NCAM2: variants seen among roughly 807,000 people sequenced by gnomAD.
NCAM2 encodes neural cell adhesion molecule 2, also known as N-CAM-2.
Under a neutral mutation model 98.1 loss-of-function variants are expected in NCAM2, and 30 were observed. The observed-to-expected ratio is 0.31, with a 90% CI of 0.23 to 0.41. The LOEUF (loss-of-function observed/expected upper bound fraction) is 0.41, where lower values mean the gene tolerates loss of function less well. Among genes scored for constraint, NCAM2 ranks in the 10% least tolerant of loss-of-function variants. NCAM2 has a pLI of 1.00. For synonymous variants in NCAM2, 368 were observed against 342.4 expected (o/e 1.07, Z -0.83); for missense variants, 867 against 1,005.8 (o/e 0.86, Z 1.87).
At chr21:21,106,423 C>T (rs1376335363) in intron 1 of NCAM2, among the ~76,000 whole-genome samples, 1 of 150,350 alleles carries the variant, frequency 6.7e-6, no homozygotes, top group African/African-American at 2.5e-5. Context: ...TTTGTGCCAA[C>T]ATTATTTTTA....
intron 13 of NCAM2, among the ~76,000 whole-genome samples, chr21:21,468,030 T>C (rs919341610): frequency 4.6e-5 from 7 of 152,032 alleles, no homozygotes; most frequent in African/African-American, 1.7e-4. Flanking sequence ...CCTGTTCTAT[T>C]CAAAACAATA....
At chr21:21,132,241 C>CT (rs1326535947) in intron 1 of NCAM2, among the ~76,000 whole-genome samples, 6 of 152,058 alleles carry the variant, frequency 3.9e-5, no homozygotes, top group Admixed American at 1.3e-4. Context: ...CTCTTTCTCT[C>CT]TGACTTCTGC....
At position 21,285,109 on chromosome 21, in the gene NCAM2, G is replaced by T. The variant is rs1304074730; in HGVS notation, c.337+709G>T. On this transcript the variant is annotated intron_variant, in intron 3 of 17. Coordinates refer to ENST00000400546, the MANE Select transcript of NCAM2 (RefSeq NM_004540.5). ...TTAGTTTCCTCATATATAAACTGAGGATAATAATGGTACCTATGTGATATA... is the reference window on the plus strand; with the variant it reads ...TTAGTTTCCTCATATATAAACTGAGTATAATAATGGTACCTATGTGATATA... 5.9e-5 allele frequency among the ~76,000 whole-genome samples: 9 copies of T among 151,700 alleles called. No individual in the cohort carries two copies. The Admixed American group carries it at 5.9e-4, about 10-fold the overall frequency.
At chr21:21,045,460 A>T (rs921576457) in intron 1 of NCAM2, among the ~76,000 whole-genome samples, 1 of 152,138 alleles carries the variant, frequency 6.6e-6, no homozygotes, top group Non-Finnish European at 1.5e-5. Context: ...TCTGGGCAAC[A>T]TAGTGAGACC....
At position 21,123,848 on chromosome 21, in the gene NCAM2, C is replaced by CTTT. The variant is rs71193401; in HGVS notation, c.55+125245_55+125247dup. Reference sequence around the variant, plus strand: ...GCACATTTGAATTCATTCTTGATTGCTTTTTTTTTTTTTTTTTGAGACGGA... The same window carrying CTTT: ...GCACATTTGAATTCATTCTTGATTGCTTTTTTTTTTTTTTTTTTTTGAGACGGA... On this transcript the variant is annotated intron_variant, in intron 1 of 17. Coordinates refer to ENST00000400546, the MANE Select transcript of NCAM2 (RefSeq NM_004540.5). 7.5e-4 allele frequency among the ~76,000 whole-genome samples: 65 copies of CTTT among 86,662 alleles called. 8 individuals are homozygous for CTTT. The highest frequency in any genetic ancestry group is 7.2e-3 in the South Asian group (15 of 2,096). The allele number at this position is 86,662 out of a possible 152,430, so 56.9% of individuals were successfully genotyped here. A position where few individuals can be genotyped will look rare whatever the true frequency, so the allele number is the denominator to read the frequency against.
intron 1 of NCAM2, among the ~76,000 whole-genome samples, chr21:21,019,635 T>A (rs1282781964): frequency 6.6e-6 from 1 of 152,128 alleles, no homozygotes; most frequent in Non-Finnish European, 1.5e-5. Context: ...TTATAATTAT[T>A]TTTTTTATTA....
intron 4 of NCAM2, among the ~76,000 whole-genome samples, chr21:21,288,483 CAT>C (rs2073180971): frequency 6.7e-6 from 1 of 149,252 alleles, no homozygotes; most frequent in African/African-American, 2.6e-5. Flanking sequence ...TAACGTGAAA[CAT>C]AACACTAAGT....
intron 11 of NCAM2, among the ~76,000 whole-genome samples, chr21:21,422,786 AG>A (rs2077137496): frequency 1.3e-5 from 2 of 152,038 alleles, no homozygotes; most frequent in South Asian, 2.1e-4. Context: ...TGTACCTCCT[AG>A]GTGTTGATCC....
chr21:21,443,330 C>T (rs1410574903), intron 12 of NCAM2, among the ~76,000 whole-genome samples: 5 of 152,016 alleles, frequency 3.3e-5, no homozygotes, highest in Non-Finnish European at 5.9e-5. Context: ...ATGTAAATGA[C>T]GAGTTGATGG....
At chr21:21,179,147 T>C (rs2068389935) in intron 1 of NCAM2, among the ~76,000 whole-genome samples, 1 of 152,132 alleles carries the variant, frequency 6.6e-6, no homozygotes, top group Non-Finnish European at 1.5e-5. Flanking sequence ...AGACTTTATA[T>C]CTTAATGAAT....
intron 8 of NCAM2, among the ~76,000 whole-genome samples, chr21:21,365,904 C>T (rs1490241770): frequency 6.6e-6 from 1 of 151,888 alleles, no homozygotes; most frequent in East Asian, 1.9e-4. Flanking sequence ...GAGTAGGTAC[C>T]CAGTAGTGGG....
chr21:21,475,178 T>A (rs1985003381), intron 14 of NCAM2, among the ~76,000 whole-genome samples: 1 of 152,060 alleles, frequency 6.6e-6, no homozygotes, highest in Admixed American at 6.6e-5. Flanking sequence ...TGTAAAAAAC[T>A]GACACCTTCT....
At chr21:21,384,263 A>T (rs917229899) in intron 9 of NCAM2, among the ~76,000 whole-genome samples, 1 of 151,850 alleles carries the variant, frequency 6.6e-6, no homozygotes, top group African/African-American at 2.4e-5. Flanking sequence ...GTCATGGATT[A>T]TATTTACATA....
Position 21,317,028 on chromosome 21 carries a change from C to A in NCAM2, c.620-7355C>A, listed in dbSNP as rs369239087. Among the ~76,000 whole-genome samples the A allele has an allele frequency of 2.9e-4, 44 of 152,218 alleles. 1 individual carries two copies. The East Asian group carries it at 8.3e-3, about 29-fold the overall frequency. ...TGCTTTGGAAACTGCAAAACTGCAC[C>A]TAACTTCTGCTAGCCATACACAAAC... On this transcript the variant is annotated intron_variant, in intron 5 of 17. Coordinates refer to ENST00000400546, the MANE Select transcript of NCAM2 (RefSeq NM_004540.5).
At chr21:21,494,690 T>A (rs1002786223) in intron 15 of NCAM2, among the ~76,000 whole-genome samples, 1 of 151,904 alleles carries the variant, frequency 6.6e-6, no homozygotes, top group Non-Finnish European at 1.5e-5. Flanking sequence ...GCCAAAATGA[T>A]CTCAGTTCCA....
chr21:21,180,491 A>G (rs1324791007), intron 1 of NCAM2, among the ~76,000 whole-genome samples: 1 of 152,084 alleles, frequency 6.6e-6, no homozygotes, highest in Admixed American at 6.6e-5. Flanking sequence ...AGTTTGTGAG[A>G]TGAGATTATA....
At chr21:21,500,167 T>C (rs1987535133) in intron 15 of NCAM2, among the ~76,000 whole-genome samples, 1 of 152,140 alleles carries the variant, frequency 6.6e-6, no homozygotes, top group Non-Finnish European at 1.5e-5. Context: ...TGCTGTTTAT[T>C]TTTTTAAATT....
Position 21,275,478 on chromosome 21 carries a change from TAAAA to T in NCAM2, c.56-5097_56-5094del, listed in dbSNP as rs1413484441. Among the ~76,000 whole-genome samples, 9 of 151,212 alleles carry T rather than the reference TAAAA, an allele frequency of 6.0e-5. No homozygotes were observed. In the East Asian group the frequency reaches 1.5e-3, roughly 26 times the overall value. On this transcript the variant is annotated intron_variant, in intron 1 of 17. Transcript: ENST00000400546. ...ATAAAAATAAATAAAAAAAGAAAAA[TAAAA>T]AATAAAAATAAATAAATTTATGGCC...
chr21:21,477,159 T>C (rs969413537), intron 14 of NCAM2, 132 bp from the exon 15 acceptor site: 6 of 539,234 alleles, frequency 1.1e-5, no homozygotes, highest in Non-Finnish European at 1.8e-5. Context: ...CAACTTCATG[T>C]ATCCCTGTGC....
Sources: gnomAD v4.1 joint callset for allele counts (sites outside exome capture counted in the v4.1 genomes callset) on GRCh38, gnomAD v4.1.1 for gene constraint, MANE v1.5 for transcripts, NCBI Gene and HGNC (gene_info 2026-07-23, HGNC 2026-07-21) for gene names.